The following TRIQK variants were observed in gnomAD, a reference collection of about 807,000 sequenced individuals.
TRIQK encodes triple QxxK/R motif-containing protein.
In TRIQK, 10 loss-of-function variants were observed where a neutral mutation model predicts 10.8. The ratio of observed to expected loss-of-function variants is 0.92; its 90% CI spans 0.57 to 1.57. The LOEUF (loss-of-function observed/expected upper bound fraction) is 1.57, where lower values mean the gene tolerates loss of function less well. TRIQK is among the 40% of genes most tolerant of loss of function. The pLI, the probability that TRIQK is intolerant of heterozygous loss-of-function variation, is 0.00. For missense variants in TRIQK, 107 were observed against 97.7 expected (o/e 1.09, Z -0.40); for synonymous variants, 33 against 33.7 (o/e 0.98, Z 0.07).
At chr8:92,931,859 T>C (rs1210603745) in intron 2 of TRIQK, among the ~76,000 whole-genome samples, 1 of 152,182 alleles carries the variant, frequency 6.6e-6, no homozygotes, top group Non-Finnish European at 1.5e-5. Context: ...CAGTTAGTTT[T>C]ATCACCCATA....
intron 1 of TRIQK, chr8:92,964,943 T>G (rs1812658835): frequency 2.0e-5 from 3 of 152,192 alleles, no homozygotes; most frequent in Non-Finnish European, 4.4e-5. Flanking sequence ...TTCCTGGGGG[T>G]TTGCACTGTA....
At chr8:92,905,693 C>T (rs1809216978) in intron 3 of TRIQK, among the ~76,000 whole-genome samples, 1 of 152,136 alleles carries the variant, frequency 6.6e-6, no homozygotes, top group Non-Finnish European at 1.5e-5. Flanking sequence ...GTGACAGATA[C>T]TCTATCTCTT....
chr8:92,966,708 T>C (rs887767837), upstream of TRIQK, among the ~76,000 whole-genome samples: 19 of 152,264 alleles, frequency 1.2e-4, no homozygotes, highest in Non-Finnish European at 2.6e-4. Flanking sequence ...ATTATACTCA[T>C]GTAATCCTTA....
At chr8:92,891,767 C>T (rs2130264480) in intron 4 of TRIQK, among the ~76,000 whole-genome samples, 2 of 152,002 alleles carry the variant, frequency 1.3e-5, no homozygotes, top group South Asian at 2.1e-4. Flanking sequence ...TTAAGTATAA[C>T]TGATTCTCTT....
intron 1 of TRIQK, among the ~76,000 whole-genome samples, chr8:92,991,516 A>G (rs1264127843): frequency 6.6e-6 from 1 of 152,188 alleles, no homozygotes; most frequent in African/African-American, 2.4e-5. Context: ...CAAAATAATA[A>G]GAGCTATTAA....
At chr8:92,942,370 A>G (rs572753859) in intron 2 of TRIQK, among the ~76,000 whole-genome samples, 7 of 152,344 alleles carry the variant, frequency 4.6e-5, no homozygotes, top group African/African-American at 1.7e-4. Context: ...AACTCTCAAC[A>G]AATTAGATAT....
chr8:92,896,259 G>T (rs1808590612), intron 3 of TRIQK, among the ~76,000 whole-genome samples: 1 of 152,130 alleles, frequency 6.6e-6, no homozygotes, highest in Admixed American at 6.6e-5. Context: ...CAGCTCCGGG[G>T]ACACAAGGGA....
In TRIQK at chr8:92,885,946, C is replaced by A. The variant is rs1401207462; in HGVS notation, c.*676G>T. ...TAATAGAGTAATAAGTTAATTAAAA[C>A]CAAGATCAACTGAGCTTCTATTTAC... On this transcript the variant is annotated 3_prime_UTR_variant, in exon 5 of 5. Transcript: ENST00000521988. 6.6e-6 allele frequency: 1 copy of A among 151,588 alleles called. No individual in the cohort carries two copies. Among genetic ancestry groups the A allele is most frequent in the Non-Finnish European group, 1.5e-5 (1 of 67,748 alleles). The allele number at this position is 151,588 out of a possible 1,614,324, so 9.4% of individuals were successfully genotyped here. A position where few individuals can be genotyped will look rare whatever the true frequency, so the allele number is the denominator to read the frequency against.
intron 2 of TRIQK, chr8:92,953,563 A>G (rs1175503514): frequency 6.6e-6 from 1 of 152,002 alleles, no homozygotes; most frequent in Non-Finnish European, 1.5e-5. Context: ...TGGTCATACA[A>G]TTGCTATATA....
intron 3 of TRIQK, among the ~76,000 whole-genome samples, chr8:92,908,164 C>G (rs1457054997): frequency 2.0e-5 from 3 of 151,976 alleles, no homozygotes; most frequent in Non-Finnish European, 4.4e-5. Flanking sequence ...ACATCTTTGC[C>G]CTTTGTTGAT....
chr8:92,889,285 G>A (rs969276486), intron 4 of TRIQK, among the ~76,000 whole-genome samples: 1 of 151,480 alleles, frequency 6.6e-6, no homozygotes, highest in African/African-American at 2.4e-5. Flanking sequence ...CAGTACTGTT[G>A]ATTTGATATG....
chr8:92,976,372 T>G (rs1812931935), intron 1 of TRIQK, among the ~76,000 whole-genome samples: 1 of 152,056 alleles, frequency 6.6e-6, no homozygotes, highest in Non-Finnish European at 1.5e-5. Context: ...AACTGACTCC[T>G]TCATCATTAT....
chr8:92,972,267 A>G (rs890009134), intron 1 of TRIQK, among the ~76,000 whole-genome samples: 2 of 152,110 alleles, frequency 1.3e-5, no homozygotes, highest in Non-Finnish European at 2.9e-5. Flanking sequence ...CATAGTTATT[A>G]ATATGAAGGG....
intron 1 of TRIQK, among the ~76,000 whole-genome samples, chr8:93,007,460 C>T (rs1813285967): frequency 2.0e-5 from 3 of 152,126 alleles, no homozygotes; most frequent in South Asian, 2.1e-4. Flanking sequence ...CTCAAAAAGC[C>T]AGAGTGCCTC....
chr8:92,975,882 A>G (rs1372479920), intron 1 of TRIQK, among the ~76,000 whole-genome samples: 2 of 151,962 alleles, frequency 1.3e-5, no homozygotes, highest in Non-Finnish European at 2.9e-5. Context: ...TCATTTATTT[A>G]AAAAAACTTC....
At chr8:92,991,111 C>G (rs2130750025) in intron 1 of TRIQK, among the ~76,000 whole-genome samples, 1 of 152,292 alleles carries the variant, frequency 6.6e-6, no homozygotes, top group East Asian at 1.9e-4. Flanking sequence ...GCAGTTTTCC[C>G]CTCCCAGTGT....
intron 1 of TRIQK, among the ~76,000 whole-genome samples, chr8:93,001,682 G>T (rs1334412670): frequency 6.6e-6 from 1 of 152,140 alleles, no homozygotes; most frequent in Non-Finnish European, 1.5e-5. Flanking sequence ...TGTAATAGAA[G>T]AATAGTAGGG....
At chr8:93,009,465 C>T (rs970185457) in intron 1 of TRIQK, among the ~76,000 whole-genome samples, 7 of 151,954 alleles carry the variant, frequency 4.6e-5, no homozygotes, top group Admixed American at 4.6e-4. Context: ...AAAAATTATC[C>T]AGGCATAATG....
chr8:92,989,547 A>C (rs149452260), intron 1 of TRIQK, among the ~76,000 whole-genome samples: 2 of 152,280 alleles, frequency 1.3e-5, no homozygotes, highest in East Asian at 3.9e-4. Context: ...CCTTATGAGA[A>C]TCTAATACCT....
Sources: allele counts gnomAD v4.1 joint callset (sites outside exome capture counted in the v4.1 genomes callset), GRCh38; gene constraint gnomAD v4.1.1; transcripts MANE v1.5; gene names NCBI Gene and HGNC (gene_info 2026-07-23, HGNC 2026-07-21).